The following PARD3 variants were observed in gnomAD, a reference collection of about 807,000 sequenced individuals.
PARD3 encodes par-3 family cell polarity regulator.
In PARD3, 75 loss-of-function variants were observed where a neutral mutation model predicts 155.4. The observed-to-expected ratio is 0.48, with a 90% CI of 0.40 to 0.58. The LOEUF (loss-of-function observed/expected upper bound fraction) is 0.58. PARD3 is among the 20% of genes least tolerant of loss of function. The pLI is 0.00. For missense variants in PARD3, 1,642 were observed against 1,721.7 expected (o/e 0.95, Z 0.82); for synonymous variants, 576 against 610.5 (o/e 0.94, Z 0.83).
intron 15 of PARD3, chr10:34,344,662 T>C (rs1837214553): frequency 1.0e-6 from 1 of 985,296 alleles, no homozygotes; most frequent in Non-Finnish European, 1.2e-6. Context: ...GGAAGAATCC[T>C]ATGTAGGCAG....
chr10:34,664,544 G>A (rs913101962), intron 2 of PARD3, among the ~76,000 whole-genome samples: 24 of 151,770 alleles, frequency 1.6e-4, no homozygotes, highest in Middle Eastern at 3.5e-3. Flanking sequence ...GCTGGAGTGC[G>A]GTGGTATCTC....
intron 2 of PARD3, among the ~76,000 whole-genome samples, chr10:34,521,360 A>G (rs966907413): frequency 7.6e-6 from 1 of 131,462 alleles, no homozygotes; most frequent in Non-Finnish European, 1.6e-5. Context: ...ATATAGTAAC[A>G]CAGCAAAAAA....
intron 1 of PARD3, among the ~76,000 whole-genome samples, chr10:34,784,523 T>A (rs1309316259): frequency 6.6e-6 from 1 of 151,908 alleles, no homozygotes; most frequent in South Asian, 2.1e-4. Flanking sequence ...CACTGCAACC[T>A]CTGCCTCCCA....
intron 23 of PARD3, among the ~76,000 whole-genome samples, chr10:34,123,445 T>G (rs1004263225): frequency 3.3e-5 from 5 of 152,148 alleles, no homozygotes; most frequent in Non-Finnish European, 7.4e-5. Context: ...TTTTAAACAT[T>G]TTGTTTTTAT....
At chr10:34,461,542 G>A (rs2077653201) in intron 4 of PARD3, among the ~76,000 whole-genome samples, 1 of 152,088 alleles carries the variant, frequency 6.6e-6, no homozygotes, top group Non-Finnish European at 1.5e-5. Context: ...GGAGGCAGAG[G>A]TTGCAGTGAG....
At chr10:34,235,599 G>A (rs1259207985) in intron 22 of PARD3, among the ~76,000 whole-genome samples, 2 of 152,140 alleles carry the variant, frequency 1.3e-5, no homozygotes, top group Admixed American at 1.3e-4. Context: ...CTGACGTTTA[G>A]TTACTGAGTT....
At chr10:34,280,805 A>G (rs543816639) in intron 21 of PARD3, among the ~76,000 whole-genome samples, 2 of 152,276 alleles carry the variant, frequency 1.3e-5, no homozygotes, top group East Asian at 1.9e-4. Context: ...GGATGTTTTG[A>G]GAATAAATAA....
intron 2 of PARD3, among the ~76,000 whole-genome samples, chr10:34,536,735 C>A (rs1456511357): frequency 1.3e-5 from 2 of 152,136 alleles, no homozygotes; most frequent in Non-Finnish European, 2.9e-5. Flanking sequence ...CTTGGTTGAA[C>A]CTTTACAGTG....
At chr10:34,370,541 A>G (rs1179619425) in intron 12 of PARD3, among the ~76,000 whole-genome samples, 4 of 152,136 alleles carry the variant, frequency 2.6e-5, no homozygotes, top group African/African-American at 9.7e-5. Flanking sequence ...TGCTAGGATT[A>G]CAGGTGTGAG....
chr10:34,297,351 A>C (rs889287850), intron 20 of PARD3, among the ~76,000 whole-genome samples: 1 of 152,186 alleles, frequency 6.6e-6, no homozygotes, highest in African/African-American at 2.4e-5. Flanking sequence ...TAAAATCAAA[A>C]AGACTTGGGG....
intron 5 of PARD3, among the ~76,000 whole-genome samples, chr10:34,433,953 T>C (rs1240973676): frequency 6.6e-6 from 1 of 152,202 alleles, no homozygotes; most frequent in Non-Finnish European, 1.5e-5. Context: ...ATATGGGTCC[T>C]GCCCTCTTTA....
At chr10:34,359,640 C>G (rs1264955314) in intron 13 of PARD3, among the ~76,000 whole-genome samples, 1 of 152,050 alleles carries the variant, frequency 6.6e-6, no homozygotes, top group Non-Finnish European at 1.5e-5. Context: ...ATTTAGAAAC[C>G]AAGACATGTA....
At chr10:34,339,936 T>A (rs1279002708) in intron 16 of PARD3, among the ~76,000 whole-genome samples, 1 of 152,236 alleles carries the variant, frequency 6.6e-6, no homozygotes, top group Non-Finnish European at 1.5e-5. Context: ...CCCCTAATGT[T>A]ATTAAAATTC....
intron 1 of PARD3, among the ~76,000 whole-genome samples, chr10:34,810,272 A>G (rs77100515): frequency 0.012 from 1,865 of 152,326 alleles, 51 homozygotes; most frequent in African/African-American, 0.043. Context: ...GGCTATGTGT[A>G]TAAGGTACGT....
At chr10:34,418,969 C>T (rs1477683404) in intron 5 of PARD3, among the ~76,000 whole-genome samples, 2 of 151,934 alleles carry the variant, frequency 1.3e-5, no homozygotes, top group Admixed American at 1.3e-4. Flanking sequence ...AAAGGTCTCA[C>T]TATGCTGCCC....
intron 2 of PARD3, among the ~76,000 whole-genome samples, chr10:34,587,296 T>C (rs1207486054): frequency 6.6e-6 from 1 of 152,100 alleles, no homozygotes; most frequent in Non-Finnish European, 1.5e-5. Context: ...CTAATTTTTA[T>C]ATTTTTAGTA....
intron 8 of PARD3, among the ~76,000 whole-genome samples, chr10:34,383,820 G>A (rs919429060): frequency 2.6e-5 from 4 of 152,096 alleles, no homozygotes; most frequent in African/African-American, 9.7e-5. Context: ...AAAGGTGGAC[G>A]GGTGAGTTAA....
At chr10:34,460,072 G>A (rs916541711) in intron 4 of PARD3, among the ~76,000 whole-genome samples, 2 of 152,014 alleles carry the variant, frequency 1.3e-5, no homozygotes, top group African/African-American at 4.8e-5. Flanking sequence ...GACTTTTGTG[G>A]AGAATTACAT....
At chr10:34,548,219 T>C (rs1408164793) in intron 2 of PARD3, among the ~76,000 whole-genome samples, 2 of 152,192 alleles carry the variant, frequency 1.3e-5, no homozygotes, top group African/African-American at 4.8e-5. Context: ...GCGGGCGTGG[T>C]GGCTCATGCC....
Sources: allele counts gnomAD v4.1 joint callset (sites outside exome capture counted in the v4.1 genomes callset), GRCh38; gene constraint gnomAD v4.1.1; transcripts MANE v1.5; gene names NCBI Gene and HGNC (gene_info 2026-07-23, HGNC 2026-07-21).